TCEAL4: variants seen among roughly 807,000 people sequenced by gnomAD.
TCEAL4 encodes transcription elongation factor A protein-like 4.
A neutral mutation model predicts 1.3 loss-of-function variants in TCEAL4; 1 was observed. The ratio of observed to expected loss-of-function variants is 0.79; its 90% CI spans 0.28 to 3.76. The LOEUF is 3.76. TCEAL4 is among the 30% of genes most tolerant of loss of function. The probability of loss-of-function intolerance (pLI) is 0.18; values close to 1 mark genes in which losing one functional copy is unlikely to be tolerated. For synonymous variants in TCEAL4, 54 were observed against 50.7 expected (o/e 1.06, Z -0.28); for missense variants, 129 against 154.7 (o/e 0.83, Z 0.88).
chrX:103,586,256 T>G lies in TCEAL4; in HGVS notation c.-63T>G. On this transcript the variant is annotated 5_prime_UTR_variant, in exon 2 of 3. Coordinates refer to ENST00000472484, the MANE Select transcript of TCEAL4 (RefSeq NM_001006935.3). ...GTTGTTCCCAGCGCTCTGCGAAGCCTGAAAAGGAGGAGCAACCTGTCCAGA... is the reference window on the plus strand; with the variant it reads ...GTTGTTCCCAGCGCTCTGCGAAGCCGGAAAAGGAGGAGCAACCTGTCCAGA... 1 of 1,166,378 alleles carries G rather than the reference T, an allele frequency of 8.6e-7. No homozygotes were observed. Among genetic ancestry groups the G allele is most frequent in the African/African-American group, 1.8e-5 (1 of 56,337 alleles).
rs188647020 is a variant in TCEAL4, at chrX:103,577,235, G to C, written c.183+22G>C. 2.7e-3 allele frequency: 3,160 copies of C among 1,154,182 alleles called. 1 individual carries two copies. Among genetic ancestry groups the C allele is most frequent in the Non-Finnish European group, 3.4e-3 (2,920 of 864,153 alleles). On this transcript the variant is annotated intron_variant, in intron 2 of 4. Transcript: ENST00000372629. ...CCAGGTAAATAAATGGATGCAATAT[G>C]CATATAGATATTCAATAGATCAATG...
intron 1 of TCEAL4, chrX:103,577,003 G>T: frequency 3.8e-6 from 4 of 1,044,240 alleles, no homozygotes; most frequent in Non-Finnish European, 3.8e-6. Flanking sequence ...TTCCAAAAAT[G>T]CCAGGCAGAT....
At position 103,587,344 on chromosome X, in the gene TCEAL4, C is replaced by G; in HGVS notation, c.*21C>G. ...TGTAGTGTCCCTGGCAGGCATTTACCAGGCCATGTGCTTTAACGTTACGGT... is the reference window on the plus strand; with the variant it reads ...TGTAGTGTCCCTGGCAGGCATTTACGAGGCCATGTGCTTTAACGTTACGGT... On this transcript the variant is annotated 3_prime_UTR_variant, in exon 3 of 3. Coordinates refer to ENST00000472484, the MANE Select transcript of TCEAL4 (RefSeq NM_001006935.3). 1 of 1,155,753 alleles carries G rather than the reference C, an allele frequency of 8.7e-7. No homozygotes were observed.
At position 103,577,250 on chromosome X, in the gene TCEAL4, A is replaced by G. The variant is rs1447546482; in HGVS notation, c.183+37A>G. 7.0e-6 allele frequency: 8 copies of G among 1,136,360 alleles called. No individual in the cohort carries two copies. The South Asian group carries it at 1.4e-4, about 20-fold the overall frequency. The allele number at this position is 1,136,360 out of a possible 1,213,427, so 93.6% of individuals were successfully genotyped here. A position where few individuals can be genotyped will look rare whatever the true frequency, so the allele number is the denominator to read the frequency against. On this transcript the variant is annotated intron_variant, in intron 2 of 4. Transcript: ENST00000372629. ...GATGCAATATGCATATAGATATTCA[A>G]TAGATCAATGTTGTTAATAGTAAAA...
intron 2 of TCEAL4, among the ~76,000 whole-genome samples, chrX:103,578,393 T>C (rs948080250): frequency 8.9e-6 from 1 of 112,124 alleles, no homozygotes; most frequent in Non-Finnish European, 1.9e-5. Flanking sequence ...GGTAATGCCA[T>C]GTTTAACATT....
Position 103,585,547 on chromosome X carries a change from G to C in TCEAL4, c.-178G>C, listed in dbSNP as rs1348005741. The stretch of plus-strand genomic sequence containing the variant: ...CGCAGATGTAGGCACCGGTCCGAGT[G>C]CCTGCCCTCTGTCCCCGCGGCTGGG... On this transcript the variant is annotated 5_prime_UTR_variant, in exon 1 of 3. Coordinates refer to ENST00000472484, the MANE Select transcript of TCEAL4 (RefSeq NM_001006935.3). 3.5e-5 allele frequency: 40 copies of C among 1,158,863 alleles called. No individual in the cohort carries two copies. Among genetic ancestry groups the C allele is most frequent in the Non-Finnish European group, 4.4e-5 (38 of 869,013 alleles).
At chrX:103,581,511 A>G (rs896203495), upstream of TCEAL4, among the ~76,000 whole-genome samples, 6 of 111,604 alleles carry the variant, frequency 5.4e-5, no homozygotes, top group African/African-American at 2.0e-4. Flanking sequence ...CTGGCAAACC[A>G]AATCCAGCAA....
chrX:103,587,004 C>G lies in TCEAL4; in HGVS notation c.329C>G (p.Thr110Arg). The G allele has an allele frequency of 8.3e-7, 1 of 1,211,135 alleles. No homozygotes were observed. Among genetic ancestry groups the G allele is most frequent in the Non-Finnish European group, 1.1e-6 (1 of 895,407 alleles). The change falls in exon 3 of 3, where the codon ACA (threonine) becomes AGA (arginine). Residue 110 changes from threonine to arginine, a missense_variant. Thr to Arg is a moderately conservative substitution (Grantham distance 71). This residue lies in a region of TCEAL4 where 116 missense variants were observed against 120.3 expected (regional missense o/e 0.96). Coordinates refer to ENST00000472484, the MANE Select transcript of TCEAL4 (RefSeq NM_001006935.3). ...PESEGEPGSE[T>R]RAAGKRPAED... is the part of the protein sequence containing the mutation. Reference sequence around the variant, plus strand: ...AGTGAAGGAGAGCCAGGGAGTGAAACAAGGGCTGCAGGAAAGCGCCCAGCT... The same window carrying G: ...AGTGAAGGAGAGCCAGGGAGTGAAAGAAGGGCTGCAGGAAAGCGCCCAGCT...
intron 2 of TCEAL4, among the ~76,000 whole-genome samples, chrX:103,577,556 G>T (rs1290588720): frequency 5.4e-5 from 6 of 111,486 alleles, no homozygotes. Context: ...ATGTATGTTT[G>T]ATTTTCTGTA....
upstream of TCEAL4, among the ~76,000 whole-genome samples, chrX:103,584,324 C>G (rs752413615): frequency 4.5e-5 from 5 of 111,731 alleles, no homozygotes; most frequent in Non-Finnish European, 9.4e-5. Flanking sequence ...TGTCCCCAGT[C>G]CTTCAACAAA....
In TCEAL4 at chrX:103,585,615, C is replaced by T. The variant is rs999518631; in HGVS notation, c.-110C>T. ...CCTGGGCTCCTAATTCTTGGTCCAG[C>T]TTCTTCCAGGTCAGTGTGCGGGCCT... On this transcript the variant is annotated 5_prime_UTR_variant, in exon 1 of 3. Transcript: ENST00000472484. 8.6e-7 allele frequency: 1 copy of T among 1,164,820 alleles called. No individual in the cohort carries two copies. Among genetic ancestry groups the T allele is most frequent in the Non-Finnish European group, 1.1e-6 (1 of 872,278 alleles).
At chrX:103,584,568 A>T (rs1025573342), upstream of TCEAL4, among the ~76,000 whole-genome samples, 14 of 112,211 alleles carry the variant, frequency 1.2e-4, no homozygotes, top group African/African-American at 4.5e-4. Flanking sequence ...CCCGTTATTA[A>T]GTGGCACGTG....
At chrX:103,577,259 T>C (rs1286321883) in intron 2 of TCEAL4, 1 of 1,124,655 alleles carries the variant, frequency 8.9e-7, no homozygotes, top group Non-Finnish European at 1.2e-6. Flanking sequence ...AATAGATCAA[T>C]GTTGTTAATA....
rs769636366 is a variant in TCEAL4 at position 103,577,162 on chromosome X, A to T, written c.132A>T (p.Ile44=). The change falls in exon 2 of 5, where the codon ATA becomes ATT. Residue 44 remains isoleucine, a synonymous_variant. Coordinates refer to the TCEAL4 transcript ENST00000372629. The stretch of plus-strand genomic sequence containing the variant: ...AATGCGAAGAATGGAAAGGTCACAT[A>T]TCATATGTGGAGCGGGACATAACAA... 7 of 1,167,359 alleles carry T rather than the reference A, an allele frequency of 6.0e-6. 1 individual carries two copies. In the East Asian group the frequency reaches 2.3e-4, roughly 38 times the overall value.
chrX:103,582,858 C>T (rs1033480053), upstream of TCEAL4, among the ~76,000 whole-genome samples: 1 of 111,596 alleles, frequency 9.0e-6, no homozygotes, highest in Admixed American at 9.5e-5. Context: ...GCAATTGCAA[C>T]AAAAGCAACA....
At position 103,585,574 on chromosome X, in the gene TCEAL4, C is replaced by T; in HGVS notation, c.-151C>T. On this transcript the variant is annotated 5_prime_UTR_variant, in exon 1 of 3. Transcript: ENST00000472484. Reference sequence around the variant, plus strand: ...CTGCCCTCTGTCCCCGCGGCTGGGTCTCGTCTGCTCCGGTTCCTGGGCTCC... The same window carrying T: ...CTGCCCTCTGTCCCCGCGGCTGGGTTTCGTCTGCTCCGGTTCCTGGGCTCC... 8.6e-7 allele frequency: 1 copy of T among 1,164,324 alleles called. No homozygotes were observed. The highest frequency in any genetic ancestry group is 1.1e-6 in the Non-Finnish European group (1 of 871,589).
chrX:103,577,271 TA>T, intron 2 of TCEAL4: 1 of 1,108,362 alleles, frequency 9.0e-7, no homozygotes, highest in South Asian at 2.1e-5. Context: ...TTGTTAATAG[TA>T]AAAGTATGGA....
upstream of TCEAL4, among the ~76,000 whole-genome samples, chrX:103,580,978 A>T (rs919473132): frequency 3.6e-5 from 4 of 111,685 alleles, no homozygotes; most frequent in African/African-American, 1.3e-4. Context: ...AATAAAATAG[A>T]TAGACTGCTA....
upstream of TCEAL4, among the ~76,000 whole-genome samples, chrX:103,581,091 A>G (rs2073505903): frequency 8.9e-6 from 1 of 112,103 alleles, no homozygotes; most frequent in South Asian, 3.7e-4. Flanking sequence ...ATCAGATAAT[A>G]CTACAAACAC....
Sources: gnomAD v4.1 joint callset for allele counts (sites outside exome capture counted in the v4.1 genomes callset) on GRCh38, gnomAD v4.1.1 for gene constraint, gnomAD v4.1.1 regional missense constraint, MANE v1.5 for transcripts, NCBI Gene and HGNC (gene_info 2026-07-23, HGNC 2026-07-21) for gene names.